Variants in ZNF608 observed in about 807,000 individuals in gnomAD.
ZNF608 encodes the protein renal carcinoma antigen NY-REN-36.
In ZNF608, 12 loss-of-function variants were observed where a neutral mutation model predicts 109.0. The observed-to-expected ratio is 0.11, with a 90% CI of 0.07 to 0.18. The LOEUF (loss-of-function observed/expected upper bound fraction) is 0.18. Among genes scored for constraint, ZNF608 ranks in the 10% least tolerant of loss-of-function variants. The probability of loss-of-function intolerance (pLI) is 1.00; values close to 1 mark genes in which losing one functional copy is unlikely to be tolerated. For missense variants in ZNF608, 1,707 were observed against 1,879.3 expected (o/e 0.91, Z 1.70); for synonymous variants, 732 against 717.4 (o/e 1.02, Z -0.33).
intron 2 of ZNF608, chr5:124,710,468 G>A (rs975377292): frequency 1.3e-5 from 4 of 307,960 alleles, no homozygotes; most frequent in African/African-American, 4.4e-5. Context: ...AAAGCTATGC[G>A]GTGAGCTGAG....
chr5:124,748,531 AC>A (rs1749718432), upstream of ZNF608: 1 of 985,264 alleles, frequency 1.0e-6, no homozygotes, highest in Admixed American at 6.1e-5. Context: ...AACCGTACTT[AC>A]GGTCTGTATT....
chr5:124,661,037 G>C (rs1003549795), intron 3 of ZNF608, among the ~76,000 whole-genome samples: 104 of 152,214 alleles, frequency 6.8e-4, no homozygotes, highest in African/African-American at 2.4e-3. Context: ...TCCAACCTGA[G>C]GGACTTCTTT....
At chr5:124,698,707 C>A (rs952973890) in intron 3 of ZNF608, among the ~76,000 whole-genome samples, 10 of 152,196 alleles carry the variant, frequency 6.6e-5, no homozygotes, top group African/African-American at 9.6e-5. Flanking sequence ...TACCTTACAG[C>A]TCTTTAAGCA....
intron 3 of ZNF608, among the ~76,000 whole-genome samples, chr5:124,656,378 G>T (rs1751005951): frequency 6.6e-6 from 1 of 152,166 alleles, no homozygotes; most frequent in Non-Finnish European, 1.5e-5. Context: ...GATCTTCTCT[G>T]TCAGCGGCTG....
chr5:124,644,269 A>C lies in ZNF608; in HGVS notation c.4098T>G (p.Ser1366=), dbSNP rs952368580. ...CAGGATAACTGTGCATTAGGACGGG[A>C]GAAACAGCCCGGTATGCAGGATGGC... is the stretch of plus-strand genomic sequence containing the variant. ...DPSHPAYRAV[S]PVLMHSYPGA... Residue 1366 remains serine, a synonymous_variant, in exon 6 of 10, where the codon TCT becomes TCG. Transcript: ENST00000513986. The C allele has an allele frequency of 4.3e-6, 7 of 1,611,256 alleles. No homozygotes were observed. The highest frequency in any genetic ancestry group is 5.9e-6 in the Non-Finnish European group (7 of 1,177,598).
intron 2 of ZNF608, among the ~76,000 whole-genome samples, chr5:124,736,236 T>C (rs1749136357): frequency 6.6e-6 from 1 of 152,216 alleles, no homozygotes; most frequent in African/African-American, 2.4e-5. Flanking sequence ...CATAAGCCTA[T>C]AATAAAGCAC....
At chr5:124,668,056 A>G (rs540400402) in intron 3 of ZNF608, among the ~76,000 whole-genome samples, 15 of 151,940 alleles carry the variant, frequency 9.9e-5, no homozygotes, top group African/African-American at 3.6e-4. Context: ...AAACACCAAC[A>G]AACAAGCAAC....
chr5:124,678,232 C>A (rs1017258027), intron 3 of ZNF608, among the ~76,000 whole-genome samples: 1 of 152,124 alleles, frequency 6.6e-6, no homozygotes, highest in Non-Finnish European at 1.5e-5. Flanking sequence ...GGCAATGAAG[C>A]AATTCCTAGA....
chr5:124,644,279 C>T lies in ZNF608; in HGVS notation c.4088G>A (p.Arg1363Gln), dbSNP rs771033356. 9.3e-6 allele frequency: 15 copies of T among 1,612,386 alleles called. No homozygotes were observed. The highest frequency in any genetic ancestry group is 5.0e-5 in the Admixed American group (3 of 59,960). The change falls in exon 6 of 10, where the codon CGG (arginine) becomes CAG (glutamine). Residue 1363 changes from arginine to glutamine, a missense_variant. Arg to Gln is a conservative substitution (Grantham distance 43). Coordinates refer to ENST00000513986, the MANE Select transcript of ZNF608 (RefSeq NM_020747.3). ...GTGCATTAGGACGGGAGAAACAGCC[C>T]GGTATGCAGGATGGCTGGGGTCGTA... ...QMYDPSHPAY[R>Q]AVSPVLMHSY...
chr5:124,660,365 G>C (rs1278842867), intron 3 of ZNF608, among the ~76,000 whole-genome samples: 1 of 152,222 alleles, frequency 6.6e-6, no homozygotes, highest in Non-Finnish European at 1.5e-5. Context: ...GGCTTAAGTT[G>C]TTGGTGAACC....
chr5:124,647,433 G>T lies in ZNF608; in HGVS notation c.2951C>A (p.Ala984Glu), dbSNP rs1322430438. 6.2e-7 allele frequency: 1 copy of T among 1,614,218 alleles called. No individual in the cohort carries two copies. Among genetic ancestry groups the T allele is most frequent in the East Asian group, 2.2e-5 (1 of 44,884 alleles). The part of the protein sequence containing the change: ...SVVKGHSSTT[A>E]QSSQLKESHS... ...GGACTCTTTCAGTTGAGATGATTGT[G>T]CTGTAGTTGAAGAATGCCCTTTTAC... The change falls in exon 5 of 10, where the codon GCA becomes GAA. Residue 984 changes from alanine (A) to glutamate (E), a missense_variant. Transcript: ENST00000513986.
At chr5:124,714,866 T>C (rs1348790266) in intron 2 of ZNF608, among the ~76,000 whole-genome samples, 4 of 152,212 alleles carry the variant, frequency 2.6e-5, no homozygotes. Context: ...CACTTCAAAA[T>C]ACCTGGGGAT....
At position 124,637,865 on chromosome 5, in the gene ZNF608, A is replaced by T; in HGVS notation, c.*35T>A. 1 of 1,604,010 alleles carries T rather than the reference A, an allele frequency of 6.2e-7. No homozygotes were observed. Among genetic ancestry groups the T allele is most frequent in the South Asian group, 1.1e-5 (1 of 89,542 alleles). ...TCTGTATAAAGCGCTTCCCCATGTG[A>T]TCCAGTCACATGACAATGTACATGT... is the stretch of plus-strand genomic sequence containing the variant. On this transcript the variant is annotated 3_prime_UTR_variant, in exon 10 of 10. Coordinates refer to ENST00000513986, the MANE Select transcript of ZNF608 (RefSeq NM_020747.3).
chr5:124,723,377 T>A (rs1041745324), intron 2 of ZNF608, among the ~76,000 whole-genome samples: 2 of 152,172 alleles, frequency 1.3e-5, no homozygotes, highest in Non-Finnish European at 2.9e-5. Flanking sequence ...AGACATTTCT[T>A]ACTCCAAGGT....
At position 124,646,873 on chromosome 5, in the gene ZNF608, G is replaced by A. The variant is rs747268475; in HGVS notation, c.3511C>T (p.Pro1171Ser). Residue 1171 changes from proline to serine, a missense_variant, in exon 5 of 10, where the codon CCA becomes TCA. Physicochemically the swap from Pro to Ser is moderately conservative, Grantham distance 74. This residue lies in a region of ZNF608 where 1,073 missense variants were observed against 1,133.5 expected (regional missense o/e 0.95). Coordinates refer to ENST00000513986, the MANE Select transcript of ZNF608 (RefSeq NM_020747.3). ...EPNKNHSKLG[P>S]SVPNKTEETG... ...TCCTCAGTTTTATTAGGCACTGATG[G>A]CCCTAGTTTAGAATGGTTTTTGTTA... is the stretch of plus-strand genomic sequence containing the variant. 1.9e-6 allele frequency: 3 copies of A among 1,614,224 alleles called. No individual in the cohort carries two copies. Among genetic ancestry groups the A allele is most frequent in the South Asian group, 1.1e-5 (1 of 91,088 alleles).
At chr5:124,745,250 C>A (rs1040742682) in intron 1 of ZNF608, 78 bp from the exon 2 acceptor site, 6 of 1,257,638 alleles carry the variant, frequency 4.8e-6, no homozygotes, top group Non-Finnish European at 5.1e-6. Flanking sequence ...ATTGGGGAAT[C>A]AGTAAAGGGG....
intron 3 of ZNF608, among the ~76,000 whole-genome samples, chr5:124,656,799 AACACACACACACACACACAC>A (rs35634231): frequency 1.7e-4 from 21 of 123,980 alleles, no homozygotes; most frequent in East Asian, 9.3e-4. Flanking sequence ...ATAAGCCCTA[AACACACACACACACACACAC>A]ACACACACAC....
chr5:124,674,899 C>T (rs554769564), intron 3 of ZNF608, among the ~76,000 whole-genome samples: 47 of 152,104 alleles, frequency 3.1e-4, no homozygotes, highest in South Asian at 1.7e-3. Flanking sequence ...AGGGGTGAGC[C>T]GCCACACCCA....
chr5:124,695,637 A>G (rs1265945000), intron 3 of ZNF608, among the ~76,000 whole-genome samples: 1 of 151,890 alleles, frequency 6.6e-6, no homozygotes, highest in African/African-American at 2.4e-5. Flanking sequence ...GTGTGGTGGT[A>G]TGCACCTGTG....
Sources: gnomAD v4.1 joint callset for allele counts (sites outside exome capture counted in the v4.1 genomes callset) on GRCh38, gnomAD v4.1.1 for gene constraint, gnomAD v4.1.1 regional missense constraint, MANE v1.5 for transcripts, NCBI Gene and HGNC (gene_info 2026-07-23, HGNC 2026-07-21) for gene names.